The following CCSER1 variants were observed in gnomAD, a reference collection of about 807,000 sequenced individuals.
The protein encoded by CCSER1 is coiled-coil serine rich protein 1.
In CCSER1, 41 loss-of-function variants were observed where a neutral mutation model predicts 82.0. The observed-to-expected ratio is 0.50, with a 90% CI of 0.39 to 0.65. CCSER1 has a LOEUF of 0.65. CCSER1 is among the 30% of genes least tolerant of loss of function. The pLI is 0.00. For missense variants in CCSER1, 1,119 were observed against 1,064.2 expected, an observed-to-expected ratio of 1.05 and a Z score of -0.72; for synonymous variants, 414 against 383.9, an observed-to-expected ratio of 1.08 and a Z score of -0.92.
intron 10 of CCSER1, among the ~76,000 whole-genome samples, chr4:91,476,716 A>G (rs1469203701): frequency 6.6e-6 from 1 of 151,748 alleles, no homozygotes; most frequent in African/African-American, 2.4e-5. Flanking sequence ...CCCCATAGAC[A>G]AATAGAACAG....
At chr4:90,950,789 G>A (rs141136137) in intron 9 of CCSER1, among the ~76,000 whole-genome samples, 1 of 152,202 alleles carries the variant, frequency 6.6e-6, no homozygotes, top group Non-Finnish European at 1.5e-5. Context: ...TGTGGAGTCT[G>A]TATTTGTTTA....
intron 1 of CCSER1, among the ~76,000 whole-genome samples, chr4:90,254,985 A>ACG (rs1412532194): frequency 7.3e-6 from 1 of 136,750 alleles, no homozygotes; most frequent in East Asian, 2.0e-4. Flanking sequence ...ATCAACACAC[A>ACG]CACACACACA....
At chr4:90,862,849 T>C (rs1765258765) in intron 8 of CCSER1, among the ~76,000 whole-genome samples, 1 of 151,566 alleles carries the variant, frequency 6.6e-6, no homozygotes, top group South Asian at 2.1e-4. Context: ...ATTAATAAAC[T>C]TTAGGTTCAG....
rs533668950 is a variant in CCSER1 at position 90,276,561 on chromosome 4, G to C, written c.-41-31683G>C. Among the ~76,000 whole-genome samples the C allele has an allele frequency of 2.6e-5, 4 of 151,930 alleles. No individual in the cohort carries two copies. The East Asian group carries it at 5.8e-4, about 22-fold the overall frequency. On this transcript the variant is annotated intron_variant, in intron 1 of 10. Coordinates refer to ENST00000509176, the MANE Select transcript of CCSER1 (RefSeq NM_001145065.2). ...GGGTTTCACCATGTTGGTCAGGCTG[G>C]TCTCGAAATCCTGGCCTCAGTTGAT...
chr4:91,539,344 T>C (rs1352538720), intron 10 of CCSER1, among the ~76,000 whole-genome samples: 1 of 152,102 alleles, frequency 6.6e-6, no homozygotes, highest in East Asian at 1.9e-4. Context: ...TTGTTATTTT[T>C]CCCTTCTGAC....
chr4:91,426,636 A>G (rs1220623076), intron 10 of CCSER1, among the ~76,000 whole-genome samples: 1 of 152,180 alleles, frequency 6.6e-6, no homozygotes, highest in Non-Finnish European at 1.5e-5. Flanking sequence ...TCAATTTGAA[A>G]CCTATATGAT....
chr4:91,267,347 A>C (rs1408399444), intron 10 of CCSER1, among the ~76,000 whole-genome samples: 2 of 152,106 alleles, frequency 1.3e-5, no homozygotes, highest in Admixed American at 6.5e-5. Flanking sequence ...CATAATCATA[A>C]TTTATCATAA....
chr4:91,336,411 T>C (rs1747330759), intron 10 of CCSER1, among the ~76,000 whole-genome samples: 1 of 152,124 alleles, frequency 6.6e-6, no homozygotes. Context: ...GACTTAATTA[T>C]TAATTCACAA....
At chr4:90,401,494 C>A (rs1441381211) in intron 4 of CCSER1, among the ~76,000 whole-genome samples, 1 of 152,094 alleles carries the variant, frequency 6.6e-6, no homozygotes, top group Non-Finnish European at 1.5e-5. Flanking sequence ...GGACAGTATC[C>A]AAATCTGCTA....
chr4:90,338,383 T>C (rs1476368009), intron 3 of CCSER1, among the ~76,000 whole-genome samples: 1 of 152,220 alleles, frequency 6.6e-6, no homozygotes, highest in East Asian at 1.9e-4. Flanking sequence ...TCATCTGCAG[T>C]TGTATTTGTA....
chr4:90,606,529 G>A (rs544834981), intron 5 of CCSER1, among the ~76,000 whole-genome samples: 1 of 152,270 alleles, frequency 6.6e-6, no homozygotes, highest in African/African-American at 2.4e-5. Context: ...ACATGGTACA[G>A]TCCCACACTT....
At chr4:91,126,996 C>A (rs1727578827) in intron 10 of CCSER1, among the ~76,000 whole-genome samples, 2 of 151,846 alleles carry the variant, frequency 1.3e-5, no homozygotes, top group African/African-American at 2.4e-5. Context: ...AAGAAAATGC[C>A]TTATGACAAA....
rs184251555 is a variant in CCSER1 at position 90,291,678 on chromosome 4, C to T, written c.-41-16566C>T. On this transcript the variant is annotated intron_variant, in intron 1 of 10. Transcript: ENST00000509176. ...AAGAAATGAGCTAAATTTGTTGTAT[C>T]TCCTTTATTATAATCTTCATTATGT... is the stretch of plus-strand genomic sequence containing the variant. Among the ~76,000 whole-genome samples the T allele has an allele frequency of 4.6e-5, 7 of 152,000 alleles. No individual in the cohort carries two copies. The East Asian group carries it at 1.4e-3, about 29-fold the overall frequency.
intron 10 of CCSER1, among the ~76,000 whole-genome samples, chr4:91,592,836 G>C (rs985884911): frequency 2.0e-5 from 3 of 148,040 alleles, no homozygotes; most frequent in Non-Finnish European, 3.0e-5. Context: ...TTTTTTTTTT[G>C]TTAAGTGGAG....
At chr4:91,267,441 A>G (rs1352932352) in intron 10 of CCSER1, among the ~76,000 whole-genome samples, 1 of 152,214 alleles carries the variant, frequency 6.6e-6, no homozygotes, top group Non-Finnish European at 1.5e-5. Context: ...AGTCCTCAAT[A>G]GACATTGCTT....
At chr4:91,006,713 G>T (rs887210092) in intron 9 of CCSER1, among the ~76,000 whole-genome samples, 1 of 151,932 alleles carries the variant, frequency 6.6e-6, no homozygotes, top group African/African-American at 2.4e-5. Flanking sequence ...GGATGGTCTT[G>T]ATCTCCTGAC....
intron 1 of CCSER1, among the ~76,000 whole-genome samples, chr4:90,206,505 G>A (rs1437092287): frequency 6.6e-6 from 1 of 152,044 alleles, no homozygotes; most frequent in Non-Finnish European, 1.5e-5. Context: ...TAGTTGTGTG[G>A]CTTTGAGTGA....
intron 10 of CCSER1, among the ~76,000 whole-genome samples, chr4:91,480,093 T>C (rs1044643524): frequency 6.6e-6 from 1 of 150,528 alleles, no homozygotes; most frequent in African/African-American, 2.5e-5. Context: ...TATGGCTGCA[T>C]AGTATTCCAT....
At chr4:91,261,890 A>G (rs1741211753) in intron 10 of CCSER1, among the ~76,000 whole-genome samples, 1 of 152,176 alleles carries the variant, frequency 6.6e-6, no homozygotes, top group South Asian at 2.1e-4. Flanking sequence ...TGTCCAAAAT[A>G]TATGCTTAAT....
Sources: gnomAD v4.1 joint callset for allele counts (sites outside exome capture counted in the v4.1 genomes callset) on GRCh38, gnomAD v4.1.1 for gene constraint, MANE v1.5 for transcripts, NCBI Gene and HGNC (gene_info 2026-07-23, HGNC 2026-07-21) for gene names.